The following PLOD1 variants were observed in gnomAD, a reference collection of about 807,000 sequenced individuals.
PLOD1 encodes the protein procollagen-lysine,2-oxoglutarate 5-dioxygenase 1.
Under a neutral mutation model 94.7 loss-of-function variants are expected in PLOD1, and 70 were observed. The observed-to-expected ratio is 0.74, with a 90% CI of 0.61 to 0.90. The LOEUF (loss-of-function observed/expected upper bound fraction) is 0.90, where lower values mean the gene tolerates loss of function less well. Ranked by LOEUF, PLOD1 falls within the 40% of genes least tolerant of loss-of-function variation. PLOD1 has a pLI of 0.00. For missense variants in PLOD1, 905 were observed against 972.7 expected, an observed-to-expected ratio of 0.93 and a Z score of 0.93; for synonymous variants, 417 against 400.2, an observed-to-expected ratio of 1.04 and a Z score of -0.50.
chr1:11,959,401 A>G (rs1471258329), intron 9 of PLOD1, among the ~76,000 whole-genome samples: 3 of 148,860 alleles, frequency 2.0e-5, no homozygotes, highest in Non-Finnish European at 3.0e-5. Flanking sequence ...AATCCTTCCT[A>G]CCTTCCTAAT....
rs1491409439 is a variant in PLOD1, at chr1:11,961,092, A to AT, written c.1097+325_1097+326insT. ...TTGAATGTTTTACTTTATTATATATAAAAAAAAAAGGCCGAGAGCAGTGGC... is the reference window on the plus strand; with the variant it reads ...TTGAATGTTTTACTTTATTATATATATAAAAAAAAAGGCCGAGAGCAGTGGC... On this transcript the variant is annotated intron_variant, in intron 10 of 18. Coordinates refer to ENST00000196061, the MANE Select transcript of PLOD1 (RefSeq NM_000302.4). Among the ~76,000 whole-genome samples, 19 of 138,658 alleles carry AT rather than the reference A, an allele frequency of 1.4e-4. No individual in the cohort carries two copies. In the South Asian group the frequency reaches 3.2e-3, roughly 24 times the overall value. 91.0% of individuals were successfully genotyped at this position (138,658 alleles called of 152,430 possible).
Position 11,963,424 on chromosome 1 carries a change from A to G in PLOD1, c.1098-108A>G, listed in dbSNP as rs1421251269. On this transcript the variant is annotated intron_variant, in intron 10 of 18. Coordinates refer to ENST00000196061, the MANE Select transcript of PLOD1 (RefSeq NM_000302.4). The surrounding 1 kb of genome is among the most constrained non-coding windows in gnomAD (Gnocchi z 4.3). ...TTGAGGCTGCTGGTGTGACCTCTCTAAAGCCCCTTGGCTGATATGTGGTGA... is the reference window on the plus strand; with the variant it reads ...TTGAGGCTGCTGGTGTGACCTCTCTGAAGCCCCTTGGCTGATATGTGGTGA... 5.3e-6 allele frequency: 4 copies of G among 759,304 alleles called. No homozygotes were observed. The Admixed American group carries it at 8.0e-5, about 15-fold the overall frequency. 47.0% of individuals were successfully genotyped at this position (759,304 alleles called of 1,614,324 possible).
chr1:11,943,477 A>G (rs1237489679), intron 1 of PLOD1, among the ~76,000 whole-genome samples: 5 of 151,926 alleles, frequency 3.3e-5, no homozygotes, highest in Non-Finnish European at 2.9e-5. Flanking sequence ...TTGTATTCTT[A>G]GTAGAGACAG....
chr1:11,954,696 T>C, intron 5 of PLOD1, 134 bp from the exon 6 acceptor site: 1 of 796,418 alleles, frequency 1.3e-6, no homozygotes, highest in Non-Finnish European at 2.3e-6. Context: ...CTAGCTGCCC[T>C]GATGTGACGT....
intron 18 of PLOD1, 98 bp downstream of exon 18, chr1:11,973,095 G>A (rs1645878416): frequency 2.3e-6 from 3 of 1,325,536 alleles, no homozygotes; most frequent in Middle Eastern, 1.9e-4. Context: ...GGGGCCCCAG[G>A]TAACCAGTGC....
chr1:11,968,564 A>AGTGGTGCAGTG (rs1645838477), intron 16 of PLOD1, among the ~76,000 whole-genome samples: 2 of 137,350 alleles, frequency 1.5e-5, no homozygotes, highest in Admixed American at 7.5e-5. Flanking sequence ...CCCAGGCTGG[A>AGTGGTGCAGTG]GTGCAGTGGC....
chr1:11,958,711 T>A lies in PLOD1; in HGVS notation c.975+64T>A. 1 of 1,598,684 alleles carries A rather than the reference T, an allele frequency of 6.3e-7. No homozygotes were observed. The highest frequency in any genetic ancestry group is 8.6e-7 in the Non-Finnish European group (1 of 1,168,946). On this transcript the variant is annotated intron_variant, in intron 9 of 18. Coordinates refer to ENST00000196061, the MANE Select transcript of PLOD1 (RefSeq NM_000302.4). The surrounding 1 kb of genome is among the most constrained non-coding windows in gnomAD (Gnocchi z 4.3). ...AGATCCAGGGCCCAGCTTCACAAGG[T>A]AGCCCGAGACCTCTGAGGGTCTCAC...
chr1:11,959,990 T>G (rs1569711741), intron 9 of PLOD1, among the ~76,000 whole-genome samples: 1 of 147,024 alleles, frequency 6.8e-6, no homozygotes, highest in Admixed American at 6.9e-5. Flanking sequence ...AGTGCAATGG[T>G]GCGATCTTGG....
At chr1:11,948,444 A>C (rs1645672130) in intron 2 of PLOD1, among the ~76,000 whole-genome samples, 1 of 152,192 alleles carries the variant, frequency 6.6e-6, no homozygotes, top group South Asian at 2.1e-4. Flanking sequence ...GCTCTAAAGA[A>C]ACATGAGTGG....
chr1:11,969,350 G>A (rs753256785), intron 16 of PLOD1, among the ~76,000 whole-genome samples: 2 of 152,146 alleles, frequency 1.3e-5, no homozygotes, highest in Non-Finnish European at 2.9e-5. Context: ...GTTTTTAAAG[G>A]CACATGAGAC....
intron 1 of PLOD1, among the ~76,000 whole-genome samples, chr1:11,945,269 C>T (rs905509959): frequency 6.6e-6 from 1 of 151,988 alleles, no homozygotes; most frequent in African/African-American, 2.4e-5. Context: ...AAAAATTTAG[C>T]TGGGCTTGGT....
intron 6 of PLOD1, among the ~76,000 whole-genome samples, chr1:11,956,579 G>A (rs1397521977): frequency 6.6e-6 from 1 of 152,056 alleles, no homozygotes; most frequent in Admixed American, 6.6e-5. Flanking sequence ...GCTTCTCTGA[G>A]GTGCCTGGAG....
intron 6 of PLOD1, among the ~76,000 whole-genome samples, chr1:11,956,597 G>A (rs192308180): frequency 6.6e-6 from 1 of 152,226 alleles, no homozygotes; most frequent in East Asian, 1.9e-4. Flanking sequence ...GAGCTGGGAT[G>A]TTCCAGGTCT....
Position 11,947,998 on chromosome 1 carries a change from G to A in PLOD1, c.99G>A (p.Val33=), listed in dbSNP as rs752778368. The A allele has an allele frequency of 1.9e-6, 3 of 1,612,818 alleles. No individual in the cohort carries two copies. The South Asian group carries it at 3.3e-5, about 18-fold the overall frequency. Residue 33 remains valine, a synonymous_variant, in exon 2 of 19, where the codon GTG becomes GTA. Coordinates refer to ENST00000196061, the MANE Select transcript of PLOD1 (RefSeq NM_000302.4). ...KPEDNLLVLT[V]ATKETEGFRR... ...CAGACAACCTTTTAGTCCTCACGGT[G>A]GCCACTAAGGAGACCGAGGGATTCC...
Position 11,934,839 on chromosome 1 carries a change from C to G in PLOD1, c.60C>G (p.Gly20=). Reference sequence around the variant, plus strand: ...GGCTGCTGCTGGCCGAAGCGAAGGGCGACGCCAAGCCGGAGGGTGAGGGAG... The same window carrying G: ...GGCTGCTGCTGGCCGAAGCGAAGGGGGACGCCAAGCCGGAGGGTGAGGGAG... The part of the protein sequence containing the change: ...LGWLLLAEAK[G]DAKPEDNLLV... The change falls in exon 1 of 19, where the codon GGC becomes GGG. Residue 20 remains glycine, a synonymous_variant. Coordinates refer to ENST00000196061, the MANE Select transcript of PLOD1 (RefSeq NM_000302.4). 6.5e-7 allele frequency: 1 copy of G among 1,539,294 alleles called. No homozygotes were observed. Among genetic ancestry groups the G allele is most frequent in the Non-Finnish European group, 8.7e-7 (1 of 1,145,544 alleles).
intron 6 of PLOD1, among the ~76,000 whole-genome samples, chr1:11,955,916 G>A (rs1223967426): frequency 1.3e-5 from 2 of 151,982 alleles, no homozygotes; most frequent in Non-Finnish European, 2.9e-5. Context: ...GTGAGCCATC[G>A]TGCCCAGCCC....
intron 6 of PLOD1, 147 bp from the exon 7 acceptor site, chr1:11,956,770 G>C: frequency 1.4e-6 from 1 of 704,298 alleles, no homozygotes; most frequent in Non-Finnish European, 2.6e-6. Context: ...CTATTTTATA[G>C]ATGAGGAAAC....
chr1:11,953,554 G>A (rs775136770), intron 5 of PLOD1, among the ~76,000 whole-genome samples: 25 of 151,726 alleles, frequency 1.6e-4, no homozygotes, highest in Non-Finnish European at 3.1e-4. Flanking sequence ...GCACTTTGGA[G>A]GCCAAAGCGG....
intron 6 of PLOD1, 93 bp downstream of exon 6, chr1:11,954,986 C>T: frequency 1.0e-6 from 1 of 990,946 alleles, no homozygotes; most frequent in Non-Finnish European, 1.6e-6. Context: ...AAATGGGCTG[C>T]TTCTTTCTGG....
Sources: allele counts gnomAD v4.1 joint callset (sites outside exome capture counted in the v4.1 genomes callset), GRCh38; gene constraint gnomAD v4.1.1; non-coding constraint Gnocchi (gnomAD v3.1); transcripts MANE v1.5; gene names NCBI Gene and HGNC (gene_info 2026-07-23, HGNC 2026-07-21).